Variants in TRAPPC3 observed in about 807,000 individuals in gnomAD.
The protein encoded by TRAPPC3 is trafficking protein particle complex subunit 3, also known as trafficking protein particle complex 3.
TRAPPC3 carries 5 observed loss-of-function variants against 18.2 expected under a neutral mutation model. The ratio of observed to expected loss-of-function variants is 0.28; its 90% CI spans 0.14 to 0.58. TRAPPC3 has a LOEUF of 0.58. TRAPPC3 is among the 20% of genes least tolerant of loss of function. The pLI, the probability that TRAPPC3 is intolerant of heterozygous loss-of-function variation, is 0.91. For missense variants in TRAPPC3, 176 were observed against 225.9 expected (o/e 0.78, Z 1.41); for synonymous variants, 65 against 84.2 (o/e 0.77, Z 1.25).
intron 1 of TRAPPC3, among the ~76,000 whole-genome samples, chr1:36,146,592 TAAAAAAAAAAAA>T (rs58611478): frequency 2.4e-5 from 2 of 83,002 alleles, no homozygotes; most frequent in South Asian, 4.5e-4. Flanking sequence ...CCTACTTCAT[TAAAAAAAAAAAA>T]AAAAAAAAAA....
chr1:36,149,230 G>A, intron 1 of TRAPPC3, 107 bp downstream of exon 1: 2 of 1,556,780 alleles, frequency 1.3e-6, no homozygotes, highest in South Asian at 2.4e-5. Context: ...CCTTGCCAGA[G>A]CTCACAGGAA....
At chr1:36,148,429 T>C (rs931556145) in intron 1 of TRAPPC3, among the ~76,000 whole-genome samples, 2 of 152,162 alleles carry the variant, frequency 1.3e-5, no homozygotes, top group Non-Finnish European at 2.9e-5. Context: ...ACCCCATCTC[T>C]ACTAAAAATA....
upstream of TRAPPC3, chr1:36,149,647 G>C: frequency 1.8e-6 from 1 of 552,646 alleles, no homozygotes; most frequent in Non-Finnish European, 3.3e-6. Flanking sequence ...GGAGTGCTCC[G>C]CGCGCGCCTG....
intron 1 of TRAPPC3, among the ~76,000 whole-genome samples, chr1:36,154,598 A>G (rs1644300093): frequency 6.6e-6 from 1 of 152,152 alleles, no homozygotes; most frequent in African/African-American, 2.4e-5. Flanking sequence ...GATGACTGAC[A>G]CAAAGATGGG....
intron 1 of TRAPPC3, among the ~76,000 whole-genome samples, chr1:36,147,554 G>A (rs1299497649): frequency 2.6e-5 from 4 of 151,996 alleles, no homozygotes; most frequent in African/African-American, 9.7e-5. Flanking sequence ...TGAGGCGGGA[G>A]GACTGCTTGA....
chr1:36,150,141 A>C (rs996680739), upstream of TRAPPC3, among the ~76,000 whole-genome samples: 26 of 152,226 alleles, frequency 1.7e-4, 1 homozygote, highest in Admixed American at 2.6e-4. Context: ...GAAAACAAAG[A>C]TCACTAACTG....
At chr1:36,139,604 C>T (rs953949235) in intron 3 of TRAPPC3, 116 bp downstream of exon 3, 1 of 1,398,896 alleles carries the variant, frequency 7.1e-7, no homozygotes, top group South Asian at 1.4e-5. Flanking sequence ...ACCCAAAGAG[C>T]TGCCTAGCCA....
intron 1 of TRAPPC3, among the ~76,000 whole-genome samples, chr1:36,143,744 G>A (rs778274014): frequency 2.0e-4 from 31 of 152,280 alleles, no homozygotes; most frequent in Non-Finnish European, 3.8e-4. Flanking sequence ...TTAAGTAACT[G>A]AGACTCAACA....
upstream of TRAPPC3, among the ~76,000 whole-genome samples, chr1:36,152,982 T>G (rs918549717): frequency 6.6e-6 from 1 of 152,202 alleles, no homozygotes; most frequent in African/African-American, 2.4e-5. Flanking sequence ...CCCCATTCTG[T>G]GGGCTTCCCC....
chr1:36,145,837 G>C (rs1165916512), intron 1 of TRAPPC3, among the ~76,000 whole-genome samples: 1 of 151,822 alleles, frequency 6.6e-6, no homozygotes, highest in African/African-American at 2.4e-5. Flanking sequence ...GCAGTAGCGC[G>C]ATCTCGGCTC....
intron 1 of TRAPPC3, among the ~76,000 whole-genome samples, chr1:36,144,558 G>A (rs1256656718): frequency 6.6e-6 from 1 of 152,174 alleles, no homozygotes; most frequent in African/African-American, 2.4e-5. Flanking sequence ...GGAGGCTAAG[G>A]TGAGAGGATG....
chr1:36,151,861 AGT>A (rs1304602640), upstream of TRAPPC3, among the ~76,000 whole-genome samples: 3 of 152,198 alleles, frequency 2.0e-5, no homozygotes, highest in African/African-American at 7.2e-5. Flanking sequence ...GAATCTATTT[AGT>A]CCTGTATCTG....
chr1:36,139,848 G>C (rs531482956), intron 2 of TRAPPC3, 29 bp from the exon 3 acceptor site: 1 of 1,613,172 alleles, frequency 6.2e-7, no homozygotes, highest in Non-Finnish European at 8.5e-7. Context: ...AAGAGACTAT[G>C]ATGGAGTCTA....
upstream of TRAPPC3, among the ~76,000 whole-genome samples, chr1:36,152,580 G>T (rs181528015): frequency 1.2e-4 from 19 of 152,220 alleles, no homozygotes; most frequent in East Asian, 3.7e-3. Context: ...AGAGTGCTGG[G>T]ATTACAGGTG....
upstream of TRAPPC3, among the ~76,000 whole-genome samples, chr1:36,153,006 A>G (rs1241594976): frequency 6.6e-6 from 1 of 152,056 alleles, no homozygotes; most frequent in Non-Finnish European, 1.5e-5. Flanking sequence ...CCCCAGCCCA[A>G]CCTTGCGGTG....
At chr1:36,149,138 G>T in intron 1 of TRAPPC3, 199 bp downstream of exon 1, 1 of 1,452,870 alleles carries the variant, frequency 6.9e-7, no homozygotes, top group Non-Finnish European at 9.1e-7. Context: ...GGCCTTGGGG[G>T]CGGGGTCTCC....
At chr1:36,138,556 A>G (rs1644059645) in intron 3 of TRAPPC3, among the ~76,000 whole-genome samples, 1 of 152,250 alleles carries the variant, frequency 6.6e-6, no homozygotes. Context: ...CCACAAAGTT[A>G]TGGGTGCTAT....
At chr1:36,149,616 A>C, upstream of TRAPPC3, 1 of 591,436 alleles carries the variant, frequency 1.7e-6, no homozygotes, top group Admixed American at 2.9e-5. Context: ...CCGCCTCTTA[A>C]CACAGTCAAC....
At chr1:36,139,474 C>T (rs1165641149) in intron 3 of TRAPPC3, 2 of 486,888 alleles carry the variant, frequency 4.1e-6, no homozygotes, top group Admixed American at 7.2e-5. Context: ...ATTCTTTACC[C>T]CCATGCTACT....
Sources: allele counts gnomAD v4.1 joint callset (sites outside exome capture counted in the v4.1 genomes callset), GRCh38; gene constraint gnomAD v4.1.1; transcripts MANE v1.5; gene names NCBI Gene and HGNC (gene_info 2026-07-23, HGNC 2026-07-21).